Variants in RNF11 observed in about 807,000 individuals in gnomAD.
RNF11 encodes the protein ring finger protein 11.
In RNF11, 4 loss-of-function variants were observed where a neutral mutation model predicts 15.8. The ratio of observed to expected loss-of-function variants is 0.25; its 90% CI spans 0.12 to 0.58. The LOEUF is 0.58. Ranked by LOEUF, RNF11 falls within the 20% of genes least tolerant of loss-of-function variation. The pLI, the probability that RNF11 is intolerant of heterozygous loss-of-function variation, is 0.91. For missense variants in RNF11, 139 were observed against 194.4 expected (o/e 0.71, Z 1.70); for synonymous variants, 68 against 72.3 (o/e 0.94, Z 0.30).
intron 1 of RNF11, among the ~76,000 whole-genome samples, chr1:51,257,518 A>C (rs541155534): frequency 6.6e-6 from 1 of 152,182 alleles, no homozygotes; most frequent in Admixed American, 6.5e-5. Flanking sequence ...ACAATGGCAC[A>C]ATCTCAGCTC....
rs74083037 is a variant in RNF11, at chr1:51,249,588, A to G, written c.123+12709A>G. Among the ~76,000 whole-genome samples, 1,348 of 152,326 alleles carry G rather than the reference A, an allele frequency of 8.8e-3. 15 individuals are homozygous for G. Among genetic ancestry groups the G allele is most frequent in the African/African-American group, 0.031 (1,295 of 41,560 alleles). On this transcript the variant is annotated intron_variant, in intron 1 of 2. Transcript: ENST00000242719. ...TGTGTGGTCATGAATTTCAAACTGA[A>G]TAACATTCTAGCATTCTTTGTGAAA...
chr1:51,261,974 A>T (rs895586612), intron 1 of RNF11, among the ~76,000 whole-genome samples: 5 of 151,672 alleles, frequency 3.3e-5, no homozygotes, highest in Admixed American at 6.6e-5. Flanking sequence ...CCTGCCTCAG[A>T]CTCCCGAGCA....
intron 1 of RNF11, among the ~76,000 whole-genome samples, chr1:51,244,389 TTG>T (rs1367931850): frequency 1.3e-5 from 2 of 152,086 alleles, no homozygotes; most frequent in Admixed American, 1.3e-4. Flanking sequence ...GTTTTTTTTT[TTG>T]TTTGTTTGTT....
chr1:51,248,096 C>CTTTTTTTTTTTTTTTTTT (rs1157196813), intron 1 of RNF11, among the ~76,000 whole-genome samples: 1 of 91,704 alleles, frequency 1.1e-5, no homozygotes, highest in Non-Finnish European at 2.3e-5. Context: ...CTAGTTTCTT[C>CTTTTTTTTTTTTTTTTTT]TTTTTTTTTT....
chr1:51,243,006 C>G (rs1171538816), intron 1 of RNF11, among the ~76,000 whole-genome samples: 1 of 152,216 alleles, frequency 6.6e-6, no homozygotes, highest in Non-Finnish European at 1.5e-5. Flanking sequence ...GGCAGATCAA[C>G]TAACTCCACC....
intron 1 of RNF11, among the ~76,000 whole-genome samples, chr1:51,267,824 G>A (rs112137299): frequency 1.0e-3 from 156 of 152,268 alleles, no homozygotes; most frequent in African/African-American, 3.6e-3. Flanking sequence ...TCTGCCTCCC[G>A]GGTTAAAGCA....
intron 1 of RNF11, chr1:51,250,711 TCCAGA>T: frequency 7.9e-7 from 1 of 1,268,384 alleles, no homozygotes. Context: ...ACAGTCTCCT[TCCAGA>T]GGTCGGGGGT....
chr1:51,236,598 G>A lies in RNF11; in HGVS notation c.-159G>A. On this transcript the variant is annotated 5_prime_UTR_variant, in exon 1 of 3. Transcript: ENST00000242719. ...CCCCCAACCCCGGGGGCTGGCATGA[G>A]CGGCCCCTCGGCGGCACCGTGGGGC... 1 of 845,740 alleles carries A rather than the reference G, an allele frequency of 1.2e-6. No homozygotes were observed. The highest frequency in any genetic ancestry group is 1.8e-6 in the Non-Finnish European group (1 of 571,328). The allele number at this position is 845,740 out of a possible 1,614,324, so 52.4% of individuals were successfully genotyped here.
At chr1:51,237,439 T>C (rs897461808) in intron 1 of RNF11, among the ~76,000 whole-genome samples, 2 of 134,646 alleles carry the variant, frequency 1.5e-5, no homozygotes, top group African/African-American at 2.7e-5. Context: ...TATATATATA[T>C]GTGTATATAT....
At chr1:51,259,316 TC>T (rs2148071656) in intron 1 of RNF11, among the ~76,000 whole-genome samples, 1 of 152,320 alleles carries the variant, frequency 6.6e-6, no homozygotes, top group East Asian at 1.9e-4. Context: ...AAGCCCCTTT[TC>T]CTCTCTAACC....
intron 1 of RNF11, among the ~76,000 whole-genome samples, chr1:51,252,805 T>TTGTGTGTGTG (rs145075866): frequency 0.038 from 5,450 of 143,962 alleles, 132 homozygotes; most frequent in Non-Finnish European, 0.052. Flanking sequence ...TTTGTCCAGT[T>TTGTGTGTGTG]TGTGTGTGTG....
intron 1 of RNF11, chr1:51,251,440 G>GT: frequency 1.3e-6 from 1 of 794,376 alleles, no homozygotes; most frequent in Non-Finnish European, 2.0e-6. Flanking sequence ...GGGCCTCCGG[G>GT]CCCCCCCCCG....
At chr1:51,270,146 A>G in intron 2 of RNF11, 21 bp downstream of exon 2, 1 of 1,571,304 alleles carries the variant, frequency 6.4e-7, no homozygotes, top group East Asian at 2.3e-5. Context: ...ATTAATTTGT[A>G]CATTTCAAAG....
At chr1:51,262,940 C>T (rs1405679466) in intron 1 of RNF11, among the ~76,000 whole-genome samples, 1 of 152,114 alleles carries the variant, frequency 6.6e-6, no homozygotes, top group Admixed American at 6.6e-5. Flanking sequence ...GATATCACAT[C>T]TTATCCACTT....
chr1:51,239,432 A>G (rs1646819155), intron 1 of RNF11, among the ~76,000 whole-genome samples: 1 of 152,208 alleles, frequency 6.6e-6, no homozygotes. Context: ...ATCAGAAGAA[A>G]ATTACTTTAA....
At chr1:51,264,317 T>TATATATATATATATACAC (rs376694497) in intron 1 of RNF11, among the ~76,000 whole-genome samples, 4 of 75,526 alleles carry the variant, frequency 5.3e-5, no homozygotes, top group African/African-American at 1.1e-4. Context: ...TATATATATA[T>TATATATATATATATACAC]ACACACACAC....
In RNF11 at chr1:51,263,810, A is replaced by T. The variant is rs535276844; in HGVS notation, c.124-6146A>T. On this transcript the variant is annotated intron_variant, in intron 1 of 2. Transcript: ENST00000242719. ...GTAATGAAAATGTTCTAAAATTGAT[A>T]AGTGATGGTTGCATAGCTCTGAACA... 2.0e-5 allele frequency among the ~76,000 whole-genome samples: 3 copies of T among 152,278 alleles called. No homozygotes were observed. In the East Asian group the frequency reaches 5.8e-4, roughly 29 times the overall value.
intron 1 of RNF11, among the ~76,000 whole-genome samples, chr1:51,249,360 C>T (rs1438408629): frequency 6.6e-6 from 1 of 152,150 alleles, no homozygotes; most frequent in African/African-American, 2.4e-5. Context: ...CCTCCCAAAG[C>T]TCTGGGATTA....
At chr1:51,263,395 ACATATTAGTATGATTC>A (rs1350996312) in intron 1 of RNF11, among the ~76,000 whole-genome samples, 5 of 152,206 alleles carry the variant, frequency 3.3e-5, no homozygotes, top group Non-Finnish European at 7.3e-5. Context: ...ACAAAAGACC[ACATATTAGTATGATTC>A]CATACACAGG....
Sources: gnomAD v4.1 joint callset for allele counts (sites outside exome capture counted in the v4.1 genomes callset) on GRCh38, gnomAD v4.1.1 for gene constraint, MANE v1.5 for transcripts, NCBI Gene and HGNC (gene_info 2026-07-23, HGNC 2026-07-21) for gene names.